MAD1L1: variants seen among roughly 807,000 people sequenced by gnomAD.
The protein encoded by MAD1L1 is mitotic spindle assembly checkpoint protein MAD1.
MAD1L1 carries 95 observed loss-of-function variants against 96.9 expected under a neutral mutation model. The ratio of observed to expected loss-of-function variants is 0.98; its 90% CI spans 0.83 to 1.16. MAD1L1 has a LOEUF of 1.16. Among genes scored for constraint, MAD1L1 ranks in the 50% most tolerant of loss-of-function variants. MAD1L1 has a pLI of 0.00. For synonymous variants in MAD1L1, 473 were observed against 396.6 expected (o/e 1.19, Z -2.29); for missense variants, 1,007 against 954.4 (o/e 1.06, Z -0.73).
At chr7:2,108,611 G>A (rs919909501) in intron 11 of MAD1L1, among the ~76,000 whole-genome samples, 18 of 152,202 alleles carry the variant, frequency 1.2e-4, no homozygotes, top group Non-Finnish European at 1.5e-4. Flanking sequence ...CCCAGAAAGG[G>A]TCTGAACAAA....
At chr7:2,209,390 C>T (rs182017512) in intron 10 of MAD1L1, among the ~76,000 whole-genome samples, 19 of 152,328 alleles carry the variant, frequency 1.2e-4, no homozygotes, top group South Asian at 6.2e-4. Context: ...ACACAAAGGA[C>T]GTCTGACCTC....
At chr7:1,974,480 A>G (rs1351212342) in intron 15 of MAD1L1, among the ~76,000 whole-genome samples, 2 of 152,234 alleles carry the variant, frequency 1.3e-5, no homozygotes, top group Non-Finnish European at 2.9e-5. Flanking sequence ...ACTCATGAAC[A>G]CTGACAGGAT....
intron 10 of MAD1L1, among the ~76,000 whole-genome samples, chr7:2,170,722 C>T (rs947849385): frequency 1.3e-5 from 2 of 152,022 alleles, no homozygotes; most frequent in African/African-American, 2.4e-5. Context: ...TTCCAAGTGG[C>T]GTAGCGGCAG....
At chr7:2,082,771 T>C (rs923921468) in intron 11 of MAD1L1, among the ~76,000 whole-genome samples, 6 of 152,238 alleles carry the variant, frequency 3.9e-5, no homozygotes, top group African/African-American at 1.4e-4. Flanking sequence ...CTAGTGCCCA[T>C]GACAATTGAT....
intron 11 of MAD1L1, among the ~76,000 whole-genome samples, chr7:2,145,851 A>G (rs554960901): frequency 2.6e-5 from 4 of 152,168 alleles, no homozygotes; most frequent in African/African-American, 9.6e-5. Flanking sequence ...AACGGCAGGA[A>G]CTCCGCAGAG....
chr7:2,053,657 T>A (rs1784278054), intron 12 of MAD1L1, among the ~76,000 whole-genome samples: 1 of 151,952 alleles, frequency 6.6e-6, no homozygotes, highest in African/African-American at 2.4e-5. Flanking sequence ...GGGACACGGG[T>A]TATGGGGGTG....
At chr7:1,847,078 A>C in intron 18 of MAD1L1, 1 of 353,674 alleles carries the variant, frequency 2.8e-6, no homozygotes, top group South Asian at 2.1e-5. Flanking sequence ...AATACAGATA[A>C]TCTGCTCACA....
chr7:2,045,823 G>A (rs1438303252), intron 12 of MAD1L1, among the ~76,000 whole-genome samples: 1 of 152,168 alleles, frequency 6.6e-6, no homozygotes, highest in Non-Finnish European at 1.5e-5. Context: ...CCCGTCCCAG[G>A]CCTTCCCTAA....
chr7:2,073,673 T>C (rs1474108129), intron 11 of MAD1L1, among the ~76,000 whole-genome samples: 1 of 152,228 alleles, frequency 6.6e-6, no homozygotes, highest in African/African-American at 2.4e-5. Flanking sequence ...CTGCAGGATG[T>C]AGCGTGAAGC....
intron 10 of MAD1L1, among the ~76,000 whole-genome samples, chr7:2,203,520 T>A (rs1460147397): frequency 6.6e-6 from 1 of 152,188 alleles, no homozygotes; most frequent in East Asian, 1.9e-4. Flanking sequence ...TTTAAGAATT[T>A]ACCCAACCAG....
At chr7:2,093,857 C>A (rs924604369) in intron 11 of MAD1L1, among the ~76,000 whole-genome samples, 4 of 152,194 alleles carry the variant, frequency 2.6e-5, no homozygotes, top group Non-Finnish European at 5.9e-5. Context: ...GGGCAACAGA[C>A]AAGGAGAGGC....
chr7:1,906,099 C>T (rs1289937426), intron 17 of MAD1L1, among the ~76,000 whole-genome samples: 3 of 151,506 alleles, frequency 2.0e-5, no homozygotes, highest in African/African-American at 7.3e-5. Context: ...GTTTACCAAG[C>T]ACCCGCAGGC....
intron 18 of MAD1L1, among the ~76,000 whole-genome samples, chr7:1,834,353 T>C (rs868727853): frequency 1.2e-4 from 18 of 152,006 alleles, no homozygotes; most frequent in Admixed American, 6.5e-4. Context: ...AAAAAAGCAG[T>C]AGAAATAATA....
At chr7:1,824,009 G>A (rs975866581) in intron 18 of MAD1L1, among the ~76,000 whole-genome samples, 4 of 152,182 alleles carry the variant, frequency 2.6e-5, no homozygotes, top group Non-Finnish European at 4.4e-5. Context: ...GTGGGGGGAC[G>A]GAGAGCGGGA....
At chr7:1,893,862 A>C (rs7803880) in intron 18 of MAD1L1, among the ~76,000 whole-genome samples, 15,329 of 152,226 alleles carry the variant, frequency 0.1, 2,535 homozygotes, top group African/African-American at 0.34. Flanking sequence ...TGGACAGTGG[A>C]GACCAGGGCC....
Position 1,931,166 on chromosome 7 carries a change from C to T in MAD1L1, c.1807+5521G>A, listed in dbSNP as rs1330274294. Among the ~76,000 whole-genome samples, 5 of 109,626 alleles carry T rather than the reference C, an allele frequency of 4.6e-5. 1 individual carries two copies. Among genetic ancestry groups the T allele is most frequent in the African/African-American group, 1.8e-4 (5 of 27,854 alleles). The allele number at this position is 109,626 out of a possible 152,430, so 71.9% of individuals were successfully genotyped here. ...CACCCCCAACTCCTCACCCCACGCA[C>T]GGTCACAGGAGCGAGGGCGCGTCGT... On this transcript the variant is annotated intron_variant, in intron 17 of 18. Coordinates refer to ENST00000265854, the MANE Select transcript of MAD1L1 (RefSeq NM_001013836.2).
chr7:2,164,190 C>G (rs1394652505), intron 10 of MAD1L1, among the ~76,000 whole-genome samples: 1 of 152,232 alleles, frequency 6.6e-6, no homozygotes, highest in Non-Finnish European at 1.5e-5. Flanking sequence ...AAATATTTCT[C>G]TATCCACTGG....
intron 10 of MAD1L1, among the ~76,000 whole-genome samples, chr7:2,166,382 T>C (rs747782203): frequency 6.6e-6 from 1 of 152,118 alleles, no homozygotes; most frequent in Non-Finnish European, 1.5e-5. Flanking sequence ...TCTCAAGGGC[T>C]TCAAAGCAGC....
intron 17 of MAD1L1, among the ~76,000 whole-genome samples, chr7:1,921,700 T>TA (rs901506330): frequency 1.3e-4 from 19 of 152,000 alleles, no homozygotes; most frequent in African/African-American, 2.9e-4. Context: ...TAAATGAAAT[T>TA]AAAAAAAACA....
Sources: allele counts gnomAD v4.1 joint callset (sites outside exome capture counted in the v4.1 genomes callset), GRCh38; gene constraint gnomAD v4.1.1; transcripts MANE v1.5; gene names NCBI Gene and HGNC (gene_info 2026-07-23, HGNC 2026-07-21).